CIROP: variants seen among roughly 807,000 people sequenced by gnomAD.
CIROP encodes the protein leishmanolysin homolog.
the CIROP span, chr14:23,100,459 C>T: frequency 9.4e-5 from 39 of 413,270 alleles, no homozygotes; most frequent in Non-Finnish European, 1.5e-4. Context: ...TTCAAACATC[C>T]GGACTCCATG....
the CIROP span, chr14:23,102,120 G>A: frequency 3.8e-4 from 270 of 702,984 alleles, 1 homozygote; most frequent in African/African-American, 3.8e-3. Context: ...CCTCTGCAGC[G>A]CTGTGGTTGA....
the CIROP span, chr14:23,103,642 C>G: frequency 1.4e-6 from 1 of 695,862 alleles, no homozygotes; most frequent in South Asian, 1.5e-5. Flanking sequence ...TTGAGAGAGA[C>G]AGCAGGGAAA....
chr14:23,102,102 C>G, the CIROP span: 1 of 703,092 alleles, frequency 1.4e-6, no homozygotes, highest in Admixed American at 2.0e-5. Flanking sequence ...CCTGGCCCCA[C>G]AACAGCTCCT....
the CIROP span, chr14:23,102,324 C>T: frequency 1.2e-4 from 81 of 702,124 alleles, no homozygotes; most frequent in East Asian, 2.0e-3. Context: ...TCCATCACCC[C>T]AAGGTGTTCT....
the CIROP span, chr14:23,102,563 G>A: frequency 1.0e-5 from 7 of 702,126 alleles, no homozygotes; most frequent in African/African-American, 3.5e-5. Context: ...AAGGAAGGAC[G>A]TTATGAGATA....
At chr14:23,100,808 G>T in the CIROP span, 2 of 398,852 alleles carry the variant, frequency 5.0e-6, no homozygotes, top group African/African-American at 2.1e-5. Context: ...AAAGGACTTA[G>T]GGATTCTCCT....
the CIROP span, chr14:23,099,539 T>A: frequency 2.7e-5 from 11 of 409,550 alleles, no homozygotes; most frequent in Admixed American, 4.5e-5. Flanking sequence ...CTAGCCTTAG[T>A]AGATAAAGCG....
At chr14:23,103,930 G>A in the CIROP span, 8 of 606,814 alleles carry the variant, frequency 1.3e-5, no homozygotes, top group Admixed American at 5.6e-5. Flanking sequence ...TATCTAGGCA[G>A]CTGGCTAGAA....
the CIROP span, chr14:23,100,370 G>C: frequency 4.9e-6 from 2 of 411,670 alleles, no homozygotes; most frequent in Non-Finnish European, 8.9e-6. Context: ...CTGGATGATC[G>C]TGTTAGGGAT....
At chr14:23,103,804 A>G in the CIROP span, 13 of 702,540 alleles carry the variant, frequency 1.9e-5, no homozygotes, top group African/African-American at 3.5e-5. Context: ...AACCGCGAAG[A>G]TGGGTGTCAG....
the CIROP span, chr14:23,100,556 T>A: frequency 4.9e-6 from 2 of 409,354 alleles, no homozygotes; most frequent in Non-Finnish European, 8.8e-6. Flanking sequence ...TAGGGGTTTT[T>A]TCTGGAGAGT....
the CIROP span, chr14:23,103,664 T>G: frequency 1.4e-6 from 1 of 700,838 alleles, no homozygotes; most frequent in Non-Finnish European, 2.6e-6. Flanking sequence ...GAAATTTGAT[T>G]TGAACTTCAC....
the CIROP span, chr14:23,102,781 C>T: frequency 1.4e-5 from 10 of 697,962 alleles, no homozygotes; most frequent in East Asian, 2.4e-4. Flanking sequence ...ACTCTATAAC[C>T]CCTCTGCCCA....
chr14:23,102,476 A>G, the CIROP span: 11 of 701,962 alleles, frequency 1.6e-5, no homozygotes, highest in East Asian at 2.1e-4. Context: ...GCCTTGTAGA[A>G]CAGTTCTCTC....
At chr14:23,104,917 G>T in the CIROP span, 1 of 652,542 alleles carries the variant, frequency 1.5e-6, no homozygotes. Flanking sequence ...AGCAGCAGCA[G>T]CATCTCCCTT....
At chr14:23,102,490 C>G in the CIROP span, 3 of 700,582 alleles carry the variant, frequency 4.3e-6, no homozygotes, top group Middle Eastern at 2.3e-4. Context: ...TTCTCTCTAA[C>G]TGCAGAAAGG....
At chr14:23,102,125 G>C in the CIROP span, 4 of 703,018 alleles carry the variant, frequency 5.7e-6, no homozygotes, top group East Asian at 2.7e-5. Context: ...GCAGCGCTGT[G>C]GTTGACCTGG....
At chr14:23,101,459 G>A in the CIROP span, 1 of 606,686 alleles carries the variant, frequency 1.6e-6, no homozygotes, top group South Asian at 1.9e-5. Flanking sequence ...GGGAGCAGCT[G>A]TGAAGTGAGG....
chr14:23,100,241 C>T, the CIROP span: 13 of 301,364 alleles, frequency 4.3e-5, no homozygotes, highest in South Asian at 1.7e-4. Flanking sequence ...GGTGACAGAG[C>T]GAGACCCTGT....
Sources: gnomAD v4.1 joint callset for allele counts on GRCh38, gnomAD v4.1.1 for gene constraint, MANE v1.5 for transcripts, NCBI Gene and HGNC (gene_info 2026-07-23, HGNC 2026-07-21) for gene names.